TBL1X: variants seen among roughly 807,000 people sequenced by gnomAD.
TBL1X encodes transducin beta like 1 X-linked.
In TBL1X, 10 loss-of-function variants were observed where a neutral mutation model predicts 50.7. The observed-to-expected ratio is 0.20, with a 90% CI of 0.12 to 0.33. The LOEUF is 0.33. TBL1X is among the 10% of genes least tolerant of loss of function. The pLI, the probability that TBL1X is intolerant of heterozygous loss-of-function variation, is 1.00. For synonymous variants in TBL1X, 190 were observed against 214.7 expected (o/e 0.88, Z 1.01); for missense variants, 340 against 504.4 (o/e 0.67, Z 3.12).
intron 2 of TBL1X, among the ~76,000 whole-genome samples, chrX:9,571,106 C>T (rs1048652068): frequency 1.8e-5 from 2 of 112,050 alleles, no homozygotes; most frequent in Admixed American, 1.9e-4. Context: ...TTTCTTTTCT[C>T]ACAATTCTGG....
At chrX:9,561,939 C>T (rs988506254) in intron 2 of TBL1X, among the ~76,000 whole-genome samples, 4 of 111,930 alleles carry the variant, frequency 3.6e-5, no homozygotes, top group African/African-American at 1.3e-4. Context: ...GAAACTGAAA[C>T]GTGAGTACCA....
chrX:9,486,909 C>G (rs1312646126), intron 1 of TBL1X, among the ~76,000 whole-genome samples: 1 of 111,539 alleles, frequency 9.0e-6, no homozygotes. Flanking sequence ...CCCTACTCTT[C>G]CAGTTTGTCC....
chrX:9,616,496 C>T (rs1168724612), intron 2 of TBL1X, among the ~76,000 whole-genome samples: 2 of 111,570 alleles, frequency 1.8e-5, no homozygotes, highest in African/African-American at 3.3e-5. Context: ...AATTAGAAAA[C>T]ATAATGCTTT....
chrX:9,693,071 G>A lies in TBL1X; in HGVS notation c.892-78G>A, dbSNP rs750237477. 5.6e-5 allele frequency: 60 copies of A among 1,071,185 alleles called. No homozygotes were observed. In the South Asian group the frequency reaches 1.0e-3, roughly 19 times the overall value. The allele number at this position is 1,071,185 out of a possible 1,213,427, so 88.3% of individuals were successfully genotyped here. On this transcript the variant is annotated intron_variant, in intron 9 of 17. Transcript: ENST00000645353. ...ATGGTTCCAGTGTACCTGGATCCTC[G>A]GAGAGGCTCTCCGAGCTGCTTCGGT...
At position 9,568,718 on chromosome X, in the gene TBL1X, AGTGTGCTGTGTGTGTGTCTGTGTT is replaced by A. The variant is rs1486582389; in HGVS notation, c.-131+66879_-131+66902del. Among the ~76,000 whole-genome samples, 581 of 90,098 alleles carry A rather than the reference AGTGTGCTGTGTGTGTGTCTGTGTT, an allele frequency of 6.4e-3. 3 individuals carry two copies. The highest frequency in any genetic ancestry group is 0.063 in the Middle Eastern group (7 of 111). The allele number at this position is 90,098 out of a possible 115,157, so 78.2% of individuals were successfully genotyped here. A position where few individuals can be genotyped will look rare whatever the true frequency, so the allele number is the denominator to read the frequency against. ...TGCTGTGTGTGTTGTGTCTATCTGC[AGTGTGCTGTGTGTGTGTCTGTGTT>A]GTGTGCTGTTTGTGTTGTCTCTATC... On this transcript the variant is annotated intron_variant, in intron 2 of 17. Transcript: ENST00000645353.
At chrX:9,586,904 A>C (rs1362988308) in intron 2 of TBL1X, among the ~76,000 whole-genome samples, 2 of 112,097 alleles carry the variant, frequency 1.8e-5, no homozygotes, top group African/African-American at 3.2e-5. Context: ...TATCTCAAAA[A>C]AATAAATAAA....
chrX:9,643,254 G>A (rs776865946), intron 3 of TBL1X, among the ~76,000 whole-genome samples: 22 of 111,048 alleles, frequency 2.0e-4, no homozygotes, highest in African/African-American at 5.6e-4. Flanking sequence ...GTAGAGGCCC[G>A]GGATGCTGTC....
chrX:9,525,598 T>G (rs971624556), intron 2 of TBL1X, among the ~76,000 whole-genome samples: 2 of 112,065 alleles, frequency 1.8e-5, no homozygotes, highest in Non-Finnish European at 3.8e-5. Context: ...TTATCCAGAT[T>G]TGAATGGAAA....
chrX:9,520,156 C>G (rs1408260270), intron 2 of TBL1X, among the ~76,000 whole-genome samples: 3 of 111,975 alleles, frequency 2.7e-5, no homozygotes, highest in African/African-American at 9.7e-5. Flanking sequence ...TTCCTCTCCC[C>G]GCACCTTCCT....
chrX:9,472,235 G>A (rs2081819768), intron 1 of TBL1X, among the ~76,000 whole-genome samples: 1 of 108,491 alleles, frequency 9.2e-6, no homozygotes, highest in African/African-American at 3.4e-5. Context: ...GAAGCTTATT[G>A]TACATGGTGC....
chrX:9,463,859 A>T (rs1399181114), upstream of TBL1X, among the ~76,000 whole-genome samples: 3 of 111,777 alleles, frequency 2.7e-5, no homozygotes, highest in African/African-American at 9.8e-5. Context: ...GCGCCACTGC[A>T]CTCCAGCTTG....
intron 2 of TBL1X, among the ~76,000 whole-genome samples, chrX:9,561,660 G>A (rs896691687): frequency 5.3e-5 from 6 of 112,212 alleles, no homozygotes; most frequent in African/African-American, 1.6e-4. Flanking sequence ...AGAAATATAC[G>A]TGTTCATATG....
At chrX:9,513,493 T>C (rs948887615) in intron 2 of TBL1X, among the ~76,000 whole-genome samples, 2 of 111,869 alleles carry the variant, frequency 1.8e-5, no homozygotes, top group African/African-American at 6.5e-5. Context: ...ACTGAATTCG[T>C]CCACTTGGAA....
At chrX:9,539,743 A>C (rs1451993813) in intron 2 of TBL1X, among the ~76,000 whole-genome samples, 1 of 111,676 alleles carries the variant, frequency 9.0e-6, no homozygotes, top group African/African-American at 3.3e-5. Context: ...GTAGTCCTGC[A>C]CCTGGCACAG....
chrX:9,688,937 A>G lies in TBL1X; in HGVS notation c.616+662A>G, dbSNP rs148346952. Among the ~76,000 whole-genome samples the G allele has an allele frequency of 8.9e-3, 1,005 of 113,543 alleles. 16 individuals are homozygous for G. The highest frequency in any genetic ancestry group is 0.03 in the African/African-American group (947 of 31,402). On this transcript the variant is annotated intron_variant, in intron 7 of 17. Transcript: ENST00000645353. ...CACAGGTATGCATGGGTGCATATGT[A>G]TGTTGTACATGTGTATATCTGCATG... is the stretch of plus-strand genomic sequence containing the variant.
At chrX:9,500,217 C>G (rs1457252901) in intron 1 of TBL1X, among the ~76,000 whole-genome samples, 3 of 97,270 alleles carry the variant, frequency 3.1e-5, no homozygotes, top group African/African-American at 1.2e-4. Flanking sequence ...TTGGAGGCTG[C>G]AGCGAGCCAT....
chrX:9,627,812 T>C (rs1014188324), intron 2 of TBL1X, among the ~76,000 whole-genome samples: 3 of 112,484 alleles, frequency 2.7e-5, no homozygotes, highest in South Asian at 3.7e-4. Context: ...ACTTGTTACC[T>C]GTGAAGCCAG....
intron 2 of TBL1X, among the ~76,000 whole-genome samples, chrX:9,607,964 AT>A (rs370098919): frequency 0.019 from 1,744 of 92,037 alleles, 18 homozygotes; most frequent in Middle Eastern, 0.046. Flanking sequence ...CATGCCTGGA[AT>A]TTTTTTTTTT....
intron 5 of TBL1X, among the ~76,000 whole-genome samples, chrX:9,672,444 C>T (rs2082965653): frequency 8.9e-6 from 1 of 112,129 alleles, no homozygotes; most frequent in Non-Finnish European, 1.9e-5. Flanking sequence ...TCAGACACAA[C>T]ACTGTCCCTC....
Sources: gnomAD v4.1 joint callset for allele counts (sites outside exome capture counted in the v4.1 genomes callset) on GRCh38, gnomAD v4.1.1 for gene constraint, MANE v1.5 for transcripts, NCBI Gene and HGNC (gene_info 2026-07-23, HGNC 2026-07-21) for gene names.